Variants in FOXN3 observed in about 807,000 individuals in gnomAD.
FOXN3 encodes forkhead box protein N3.
Under a neutral mutation model 38.4 loss-of-function variants are expected in FOXN3, and 7 were observed. The observed-to-expected ratio is 0.18, with a 90% CI of 0.10 to 0.34. The LOEUF is 0.34. FOXN3 is among the 10% of genes least tolerant of loss of function. The pLI is 1.00. For missense variants in FOXN3, 456 were observed against 613.4 expected (o/e 0.74, Z 2.71); for synonymous variants, 230 against 242.2 (o/e 0.95, Z 0.47).
intron 1 of FOXN3, among the ~76,000 whole-genome samples, chr14:89,600,663 T>G (rs1161410826): frequency 1.3e-5 from 2 of 152,324 alleles, no homozygotes; most frequent in Admixed American, 6.5e-5. Context: ...AAACCCTTAC[T>G]CATTGTGGGA....
chr14:89,343,701 G>C (rs1888683638), intron 3 of FOXN3, among the ~76,000 whole-genome samples: 1 of 138,824 alleles, frequency 7.2e-6, no homozygotes, highest in South Asian at 2.5e-4. Context: ...AAAAGGAGAA[G>C]CTTAAATGTC....
At chr14:89,205,380 C>T (rs1401766180) in intron 4 of FOXN3, among the ~76,000 whole-genome samples, 1 of 152,160 alleles carries the variant, frequency 6.6e-6, no homozygotes, top group African/African-American at 2.4e-5. Context: ...AGGGCTCCAC[C>T]CTTGGGCCTG....
At chr14:89,311,969 G>A (rs562703394) in intron 3 of FOXN3, among the ~76,000 whole-genome samples, 55 of 151,934 alleles carry the variant, frequency 3.6e-4, no homozygotes, top group East Asian at 1.9e-3. Context: ...ATTCAAACCC[G>A]GATGCAAAGA....
At chr14:89,225,830 T>G (rs915165098) in intron 4 of FOXN3, among the ~76,000 whole-genome samples, 11 of 151,962 alleles carry the variant, frequency 7.2e-5, no homozygotes, top group African/African-American at 2.2e-4. Flanking sequence ...AGGATGTGAG[T>G]GAAGGCCCAT....
intron 1 of FOXN3, among the ~76,000 whole-genome samples, chr14:89,414,373 T>C (rs1317956579): frequency 6.6e-6 from 1 of 151,982 alleles, no homozygotes; most frequent in African/African-American, 2.4e-5. Context: ...TAACACCACA[T>C]CTAAAACAAC....
rs1289024706 is a variant in FOXN3 at position 89,360,523 on chromosome 14, G to T, written c.544-9715C>A. ...GAGGGAAAAACGGTGAGAGAGAGAA[G>T]GAAAAAAAGGGACACAGAGGGAGTG... On this transcript the variant is annotated intron_variant, in intron 2 of 5. Transcript: ENST00000557258. Among the ~76,000 whole-genome samples the T allele has an allele frequency of 2.9e-5, 4 of 136,880 alleles. No individual in the cohort carries two copies. The South Asian group carries it at 9.7e-4, about 33-fold the overall frequency. 89.8% of individuals were successfully genotyped at this position (136,880 alleles called of 152,430 possible).
chr14:89,234,856 T>C (rs1884933971), intron 4 of FOXN3, among the ~76,000 whole-genome samples: 1 of 152,180 alleles, frequency 6.6e-6, no homozygotes, highest in Non-Finnish European at 1.5e-5. Context: ...TTGGCCCACC[T>C]AGCCCTCGTT....
At chr14:89,182,408 C>T (rs866192408) in intron 4 of FOXN3, among the ~76,000 whole-genome samples, 2 of 152,242 alleles carry the variant, frequency 1.3e-5, no homozygotes, top group Non-Finnish European at 2.9e-5. Context: ...GGATGGGTGA[C>T]AGAATGGAAA....
intron 3 of FOXN3, among the ~76,000 whole-genome samples, chr14:89,336,951 T>C (rs185760458): frequency 4.6e-5 from 7 of 152,110 alleles, no homozygotes; most frequent in African/African-American, 1.4e-4. Context: ...TAAGAAAGGG[T>C]GGTGTTAGAA....
At chr14:89,207,930 G>A (rs1888427189) in intron 4 of FOXN3, among the ~76,000 whole-genome samples, 1 of 151,940 alleles carries the variant, frequency 6.6e-6, no homozygotes, top group Non-Finnish European at 1.5e-5. Context: ...GTTAAACCTG[G>A]TGCTTAAACA....
chr14:89,599,717 A>G (rs774102695), intron 1 of FOXN3, among the ~76,000 whole-genome samples: 4 of 152,212 alleles, frequency 2.6e-5, no homozygotes, highest in Non-Finnish European at 4.4e-5. Flanking sequence ...CTTCAGGCAG[A>G]CATCTAGGCT....
chr14:89,339,254 G>A (rs928202294), intron 3 of FOXN3, among the ~76,000 whole-genome samples: 4 of 152,194 alleles, frequency 2.6e-5, no homozygotes, highest in Non-Finnish European at 4.4e-5. Context: ...GATTACAGGT[G>A]TGAGCCACCA....
chr14:89,545,245 A>G (rs963689201), intron 1 of FOXN3, among the ~76,000 whole-genome samples: 1 of 152,230 alleles, frequency 6.6e-6, no homozygotes, highest in African/African-American at 2.4e-5. Context: ...CTCTTCAAAA[A>G]ACTGCACATA....
intron 5 of FOXN3, among the ~76,000 whole-genome samples, chr14:89,169,073 C>T (rs1416103615): frequency 2.6e-5 from 4 of 152,138 alleles, no homozygotes; most frequent in Admixed American, 1.3e-4. Flanking sequence ...GTAGGAATTT[C>T]ATAAGAATAT....
intron 1 of FOXN3, among the ~76,000 whole-genome samples, chr14:89,586,291 A>G (rs1392374127): frequency 6.6e-6 from 1 of 152,208 alleles, no homozygotes. Flanking sequence ...AGAAAAGAGA[A>G]GAGAAAGGTT....
At chr14:89,607,823 T>C (rs908469872) in intron 1 of FOXN3, among the ~76,000 whole-genome samples, 2 of 152,098 alleles carry the variant, frequency 1.3e-5, no homozygotes, top group South Asian at 4.1e-4. Flanking sequence ...CTATCTTTTT[T>C]TTTTTTCTTT....
In FOXN3 at chr14:89,436,175, A is replaced by C. The variant is rs190977944; in HGVS notation, c.-14-23685T>G. The stretch of plus-strand genomic sequence containing the variant: ...AAATCTACAACTCATGGGTAGGAAG[A>C]AAGTTACCAATGCTGACTGCCCTGA... On this transcript the variant is annotated intron_variant, in intron 1 of 6. Coordinates refer to the FOXN3 transcript ENST00000345097. Among the ~76,000 whole-genome samples, 443 of 151,914 alleles carry C rather than the reference A, an allele frequency of 2.9e-3. 3 individuals carry two copies. The highest frequency in any genetic ancestry group is 1.0e-2 in the African/African-American group (413 of 41,440).
intron 1 of FOXN3, among the ~76,000 whole-genome samples, chr14:89,499,604 C>T (rs1893755068): frequency 6.6e-6 from 1 of 151,832 alleles, no homozygotes. Context: ...GAGATATTGA[C>T]AGGGAATGCA....
chr14:89,578,168 G>T (rs1290433033), intron 1 of FOXN3, among the ~76,000 whole-genome samples: 1 of 152,198 alleles, frequency 6.6e-6, no homozygotes, highest in African/African-American at 2.4e-5. Context: ...ACCTAAAATG[G>T]ATGAATGATA....
Sources: gnomAD v4.1 joint callset for allele counts (sites outside exome capture counted in the v4.1 genomes callset) on GRCh38, gnomAD v4.1.1 for gene constraint, MANE v1.5 for transcripts, NCBI Gene and HGNC (gene_info 2026-07-23, HGNC 2026-07-21) for gene names.